The following PSKH1 variants were observed in gnomAD, a reference collection of about 807,000 sequenced individuals.
PSKH1 encodes protein serine kinase H1, also known as serine/threonine-protein kinase H1.
In PSKH1, 12 loss-of-function variants were observed where a neutral mutation model predicts 26.7. The observed-to-expected ratio is 0.45, with a 90% CI of 0.29 to 0.73. The LOEUF is 0.73. Ranked by LOEUF, PSKH1 falls within the 30% of genes least tolerant of loss-of-function variation. The pLI, the probability that PSKH1 is intolerant of heterozygous loss-of-function variation, is 0.11. For synonymous variants in PSKH1, 213 were observed against 234.3 expected (o/e 0.91, Z 0.83); for missense variants, 431 against 595.2 (o/e 0.72, Z 2.87).
chr16:67,905,785 G>A (rs1445892180), intron 1 of PSKH1, among the ~76,000 whole-genome samples: 1 of 152,110 alleles, frequency 6.6e-6, no homozygotes, highest in Admixed American at 6.6e-5. Flanking sequence ...CTTGAACCCG[G>A]GAGGCAGAGG....
chr16:67,909,700 TG>T lies in PSKH1; in HGVS notation c.955del (p.Glu319SerfsTer18). ...QILRGKYSYS[G>X]EPWPSVSNLA... ...TCCTCAGGGGCAAGTACAGTTACTC[TG>T]GGGAGGTGAGTCTGTCCTGCCCCTG... On this transcript the variant is annotated frameshift_variant, in exon 2 of 3. Transcript: ENST00000291041. LOFTEE classifies it high-confidence loss of function. The surrounding 1 kb of genome is among the most constrained non-coding windows in gnomAD (Gnocchi z 7.8). 1 of 1,610,314 alleles carries T rather than the reference TG, an allele frequency of 6.2e-7. No individual in the cohort carries two copies.
chr16:67,899,716 C>T (rs758634906), intron 1 of PSKH1, among the ~76,000 whole-genome samples: 5 of 151,826 alleles, frequency 3.3e-5, no homozygotes, highest in Admixed American at 6.6e-5. Flanking sequence ...GGCGTGATCT[C>T]GGCTCACTGC....
In PSKH1 at chr16:67,909,357, TG is replaced by T; in HGVS notation, c.610del (p.Asp204MetfsTer50). 1 of 1,614,092 alleles carries T rather than the reference TG, an allele frequency of 6.2e-7. No individual in the cohort carries two copies. The highest frequency in any genetic ancestry group is 8.5e-7 in the Non-Finnish European group (1 of 1,180,012). ...GCCACGCGGGTGCTGCAGATGGTGC[TG>T]GATGGCGTCCGGTATCTGCATGCAC... ...RDATRVLQMVLDGVRYLHALG... is the reference protein window; with the variant it reads ...RDATRVLQMVXDGVRYLHALG... On this transcript the variant is annotated frameshift_variant, in exon 2 of 3. Transcript: ENST00000291041. LOFTEE classifies it high-confidence loss of function. The surrounding 1 kb of genome is among the most constrained non-coding windows in gnomAD (Gnocchi z 7.8).
chr16:67,925,654 C>T (rs1171403827), intron 2 of PSKH1, among the ~76,000 whole-genome samples: 4 of 152,098 alleles, frequency 2.6e-5, no homozygotes, highest in Admixed American at 6.5e-5. Context: ...TCCTGGGGGC[C>T]AGCATCTCCC....
chr16:67,912,684 C>T (rs1212701588), intron 2 of PSKH1, among the ~76,000 whole-genome samples: 1 of 152,158 alleles, frequency 6.6e-6, no homozygotes. Flanking sequence ...GCCTGACCAA[C>T]ATGGTGAAAC....
intron 2 of PSKH1, among the ~76,000 whole-genome samples, chr16:67,919,311 C>A (rs937608873): frequency 6.6e-6 from 1 of 152,194 alleles, no homozygotes; most frequent in East Asian, 1.9e-4. Flanking sequence ...CTCACTGACC[C>A]CTGCTCCCAG....
chr16:67,925,630 C>G (rs2058214043), intron 2 of PSKH1, among the ~76,000 whole-genome samples: 1 of 152,132 alleles, frequency 6.6e-6, no homozygotes, highest in South Asian at 2.1e-4. Context: ...GCTCCTGGAC[C>G]CTGACTTTCC....
chr16:67,899,897 C>T (rs1004761563), intron 1 of PSKH1, among the ~76,000 whole-genome samples: 5 of 151,870 alleles, frequency 3.3e-5, no homozygotes, highest in African/African-American at 1.2e-4. Flanking sequence ...GATCCACCTG[C>T]CTCGGCCTCC....
intron 1 of PSKH1, among the ~76,000 whole-genome samples, chr16:67,907,788 G>C (rs1469726086): frequency 6.6e-6 from 1 of 152,160 alleles, no homozygotes; most frequent in Non-Finnish European, 1.5e-5. Flanking sequence ...AGCCTTCCAG[G>C]AGAATGAGGG....
intron 1 of PSKH1, among the ~76,000 whole-genome samples, chr16:67,894,844 C>T (rs1239511145): frequency 1.3e-5 from 2 of 151,954 alleles, no homozygotes; most frequent in African/African-American, 2.4e-5. Flanking sequence ...GGTAGTACAG[C>T]CTCTTAATCC....
intron 1 of PSKH1, among the ~76,000 whole-genome samples, chr16:67,902,044 G>C (rs1943186879): frequency 6.6e-6 from 1 of 152,052 alleles, no homozygotes; most frequent in Non-Finnish European, 1.5e-5. Flanking sequence ...CGGATCACTT[G>C]AGGCCAGGAG....
intron 2 of PSKH1, among the ~76,000 whole-genome samples, chr16:67,921,184 A>C (rs1432244833): frequency 6.6e-6 from 1 of 152,108 alleles, no homozygotes; most frequent in Non-Finnish European, 1.5e-5. Context: ...AGGCTGAGGC[A>C]GGAGAATTGC....
chr16:67,898,142 G>A (rs971061535), intron 1 of PSKH1, among the ~76,000 whole-genome samples: 54 of 151,774 alleles, frequency 3.6e-4, no homozygotes, highest in African/African-American at 1.3e-3. Context: ...AAGCCACCGC[G>A]CCCAGCCACA....
chr16:67,907,297 T>C (rs1254512777), intron 1 of PSKH1, among the ~76,000 whole-genome samples: 2 of 138,740 alleles, frequency 1.4e-5, no homozygotes, highest in African/African-American at 5.4e-5. Flanking sequence ...GTCTCACTCT[T>C]TTGTCCAGGC....
chr16:67,893,260 A>T lies in PSKH1; in HGVS notation c.-182A>T, dbSNP rs988696943. 6.2e-6 allele frequency: 1 copy of T among 161,006 alleles called. No individual in the cohort carries two copies. 10.0% of individuals were successfully genotyped at this position (161,006 alleles called of 1,614,324 possible). A position where few individuals can be genotyped will look rare whatever the true frequency, so the allele number is the denominator to read the frequency against. On this transcript the variant is annotated 5_prime_UTR_variant, in exon 1 of 3. Coordinates refer to ENST00000291041, the MANE Select transcript of PSKH1 (RefSeq NM_006742.3). ...AGCTGCGCGCTGTGATGACGCCACGACGCTAACGCCCGAGAATGGCGGCGG... is the reference window on the plus strand; with the variant it reads ...AGCTGCGCGCTGTGATGACGCCACGTCGCTAACGCCCGAGAATGGCGGCGG...
At chr16:67,921,632 G>A (rs1682319895) in intron 2 of PSKH1, among the ~76,000 whole-genome samples, 1 of 152,106 alleles carries the variant, frequency 6.6e-6, no homozygotes, top group African/African-American at 2.4e-5. Flanking sequence ...TGGGCCCTGG[G>A]AACCACTTGG....
chr16:67,926,182 G>A (rs1246389769), intron 2 of PSKH1, among the ~76,000 whole-genome samples: 2 of 152,080 alleles, frequency 1.3e-5, no homozygotes, highest in Non-Finnish European at 2.9e-5. Flanking sequence ...ATCCTTGGGG[G>A]AGCCTCAGAG....
chr16:67,908,949 C>G lies in PSKH1; in HGVS notation c.200C>G (p.Thr67Ser). Residue 67 changes from threonine to serine, a missense_variant, in exon 2 of 3, where the codon ACT (threonine) becomes AGT (serine). Physicochemically the swap from Thr to Ser is moderately conservative, Grantham distance 58. Coordinates refer to ENST00000291041, the MANE Select transcript of PSKH1 (RefSeq NM_006742.3). ...GCACACCCCTGCCCCGGTCCCCCGACTGCTGGCCACACGGAGCCTCCCTCA... is the reference window on the plus strand; with the variant it reads ...GCACACCCCTGCCCCGGTCCCCCGAGTGCTGGCCACACGGAGCCTCCCTCA... ...QYAHPCPGPP[T>S]AGHTEPPSEP... 1 of 1,613,966 alleles carries G rather than the reference C, an allele frequency of 6.2e-7. No individual in the cohort carries two copies. The highest frequency in any genetic ancestry group is 2.2e-5 in the East Asian group (1 of 44,864).
intron 1 of PSKH1, 86 bp from the exon 2 acceptor site, chr16:67,908,594 G>A: frequency 1.6e-6 from 1 of 636,616 alleles, no homozygotes; most frequent in Non-Finnish European, 2.6e-6. Flanking sequence ...ATGAGACTGA[G>A]TTTCTGGAGA....
Sources: allele counts gnomAD v4.1 joint callset (sites outside exome capture counted in the v4.1 genomes callset), GRCh38; gene constraint gnomAD v4.1.1; non-coding constraint Gnocchi (gnomAD v3.1); transcripts MANE v1.5; gene names NCBI Gene and HGNC (gene_info 2026-07-23, HGNC 2026-07-21).